MAP3K19: variants seen among roughly 807,000 people sequenced by gnomAD.
MAP3K19 encodes the protein mitogen-activated protein kinase kinase kinase 19, also known as SPS1/STE20-related protein kinase YSK4.
A neutral mutation model predicts 114.4 loss-of-function variants in MAP3K19; 91 were observed. That is an observed-to-expected ratio of 0.80 (90% CI 0.67 to 0.95). The LOEUF (loss-of-function observed/expected upper bound fraction) is 0.95. Ranked by LOEUF, MAP3K19 falls within the 40% of genes least tolerant of loss-of-function variation. The pLI, the probability that MAP3K19 is intolerant of heterozygous loss-of-function variation, is 0.00. For synonymous variants in MAP3K19, 518 were observed against 530.5 expected, an observed-to-expected ratio of 0.98 and a Z score of 0.32; for missense variants, 1,471 against 1,573.2, an observed-to-expected ratio of 0.94 and a Z score of 1.10.
rs770887597 is a variant in MAP3K19 at position 134,981,397 on chromosome 2, A to C, written c.3344T>G (p.Leu1115Arg). ...YRKLQEEVDL[L>R]KALKHVNIVA... ...AATGTTGACATGTTTCAGTGCTTTG[A>C]GCAAATCTACTTCTTCCTGTAGTTT... The change falls in exon 12 of 13, where the codon CTC becomes CGC. Residue 1115 changes from leucine (L) to arginine (R), a missense_variant. Transcript: ENST00000392915. 1 of 1,614,234 alleles carries C rather than the reference A, an allele frequency of 6.2e-7. No homozygotes were observed. The highest frequency in any genetic ancestry group is 1.7e-5 in the Admixed American group (1 of 60,028).
chr2:134,999,956 C>G lies in MAP3K19; in HGVS notation c.295G>C (p.Glu99Gln), dbSNP rs1686316829. The G allele has an allele frequency of 4.3e-6, 7 of 1,610,234 alleles. No homozygotes were observed. The East Asian group carries it at 1.3e-4, about 31-fold the overall frequency. The change falls in exon 7 of 13, where the codon GAA (glutamate) becomes CAA (glutamine). Residue 99 changes from glutamate to glutamine, a missense_variant. Transcript: ENST00000392915. The surrounding 1 kb of genome is among the most constrained non-coding windows in gnomAD (Gnocchi z 4.1). ...DVSPPQEMSQ[E>Q]DLKEKNLINS... is the part of the protein sequence containing the mutation. ...CCTTACTTCTTTTCTTTTAAGTCTTCTTGGCTCATTTCTTGGGGAGGACTG... is the reference window on the plus strand; with the variant it reads ...CCTTACTTCTTTTCTTTTAAGTCTTGTTGGCTCATTTCTTGGGGAGGACTG...
At chr2:134,983,916 G>A (rs1363552189) in intron 10 of MAP3K19, 91 bp from the exon 11 acceptor site, 2 of 860,342 alleles carry the variant, frequency 2.3e-6, no homozygotes. Flanking sequence ...CTTTTCAAAT[G>A]TTCCTGTCTG....
At chr2:135,019,951 C>T (rs574672067) in intron 5 of MAP3K19, among the ~76,000 whole-genome samples, 11 of 152,176 alleles carry the variant, frequency 7.2e-5, no homozygotes, top group East Asian at 3.9e-4. Context: ...ACCAGGGCCA[C>T]GAGGAGGCAC....
chr2:134,968,568 G>T (rs1249879163), intron 12 of MAP3K19, among the ~76,000 whole-genome samples: 2 of 151,034 alleles, frequency 1.3e-5, no homozygotes, highest in Admixed American at 6.6e-5. Flanking sequence ...TGGCTGCCGG[G>T]CGGAGGGGCT....
chr2:135,044,578 G>A (rs7577258), intron 1 of MAP3K19, among the ~76,000 whole-genome samples: 40,315 of 152,052 alleles, frequency 0.27, 7,210 homozygotes, highest in African/African-American at 0.48. Context: ...CAACAAGAGT[G>A]AAACTCCATC....
intron 12 of MAP3K19, among the ~76,000 whole-genome samples, chr2:134,974,672 T>C (rs1289263379): frequency 6.6e-6 from 1 of 152,236 alleles, no homozygotes; most frequent in Non-Finnish European, 1.5e-5. Flanking sequence ...ACATGTCATG[T>C]AGGCTTTGTT....
chr2:135,020,725 T>TG (rs1687913654), intron 5 of MAP3K19, among the ~76,000 whole-genome samples: 1 of 152,186 alleles, frequency 6.6e-6, no homozygotes, highest in South Asian at 2.1e-4. Flanking sequence ...CTTGTGATAG[T>TG]GGGGGAGTTC....
intron 5 of MAP3K19, among the ~76,000 whole-genome samples, chr2:135,020,161 G>A (rs1036841170): frequency 1.2e-4 from 18 of 152,122 alleles, no homozygotes; most frequent in African/African-American, 4.3e-4. Context: ...GGGATTACAG[G>A]TGCCCACCAC....
intron 5 of MAP3K19, among the ~76,000 whole-genome samples, chr2:135,006,009 A>C (rs946218693): frequency 6.6e-6 from 1 of 152,248 alleles, no homozygotes; most frequent in African/African-American, 2.4e-5. Context: ...GAAAGGAGGC[A>C]GCAAAGCTGA....
chr2:134,979,880 A>G (rs138869805), intron 12 of MAP3K19, among the ~76,000 whole-genome samples: 130 of 152,288 alleles, frequency 8.5e-4, no homozygotes, highest in African/African-American at 3.0e-3. Flanking sequence ...ATTGGCAGAG[A>G]GGGAGACCTG....
At position 134,980,950 on chromosome 2, in the gene MAP3K19, T is replaced by C. The variant is rs753856000; in HGVS notation, c.3791A>G (p.Lys1264Arg). ...GCTVFEMATG[K>R]PPLASMDRMA... ...CCTGTCCATGGAAGCCAGTGGAGGC[T>C]TCCCTGTAGCCATCTCAAACACAGT... Residue 1264 changes from lysine (K) to arginine (R), a missense_variant, in exon 12 of 13, where the codon AAG becomes AGG. Physicochemically the swap from Lys to Arg is conservative, Grantham distance 26. Coordinates refer to ENST00000392915, the MANE Select transcript of MAP3K19 (RefSeq NM_025052.5). The C allele has an allele frequency of 2.6e-5, 42 of 1,614,104 alleles. No homozygotes were observed. Among genetic ancestry groups the C allele is most frequent in the Non-Finnish European group, 3.3e-5 (39 of 1,180,050 alleles).
At chr2:135,003,033 T>A (rs551620122) in intron 6 of MAP3K19, among the ~76,000 whole-genome samples, 21 of 152,266 alleles carry the variant, frequency 1.4e-4, no homozygotes, top group African/African-American at 4.8e-4. Context: ...GGGGCCCCGA[T>A]CCAGCTGGAT....
In MAP3K19 at chr2:134,987,719, C is replaced by A. The variant is rs151163384; in HGVS notation, c.1153G>T (p.Glu385Ter). 30 of 1,611,754 alleles carry A rather than the reference C, an allele frequency of 1.9e-5. No homozygotes were observed. Among genetic ancestry groups the A allele is most frequent in the Non-Finnish European group, 2.5e-5 (29 of 1,180,018 alleles). Residue 385 changes from glutamate to a stop codon, truncating the protein, a stop_gained, in exon 10 of 13, where the codon GAA becomes TAA. Coordinates refer to ENST00000392915, the MANE Select transcript of MAP3K19 (RefSeq NM_025052.5). LOFTEE classifies it high-confidence loss of function. ...SVAKNYEQDP[E>*]IVCTIPSKFQ... The stretch of plus-strand genomic sequence containing the variant: ...TTGCTTGGAATGGTACATACTATTT[C>A]TGGATCTTGTTCATAGTTTTTGGCT...
intron 5 of MAP3K19, among the ~76,000 whole-genome samples, chr2:135,017,998 G>T (rs1055554776): frequency 1.1e-4 from 16 of 152,170 alleles, no homozygotes; most frequent in African/African-American, 3.9e-4. Flanking sequence ...TCTTAGAATT[G>T]ATAGTAGTTT....
intron 10 of MAP3K19, among the ~76,000 whole-genome samples, chr2:134,985,186 C>T (rs571483556): frequency 9.4e-4 from 143 of 152,330 alleles, no homozygotes; most frequent in African/African-American, 3.3e-3. Flanking sequence ...AATCTTATTT[C>T]AGGATTTTTG....
Position 134,987,376 on chromosome 2 carries a change from A to T in MAP3K19, c.1496T>A (p.Val499Glu). ...FPVDGSPKEP[V>E]IAKPSLQTRK... Reference sequence around the variant, plus strand: ...TGTTTGGAGGCTTGGTTTGGCTATCACTGGTTCCTTGGGGCTTCCATCCAC... The same window carrying T: ...TGTTTGGAGGCTTGGTTTGGCTATCTCTGGTTCCTTGGGGCTTCCATCCAC... Residue 499 changes from valine to glutamate, a missense_variant, in exon 10 of 13, where the codon GTG becomes GAG. Transcript: ENST00000392915. The T allele has an allele frequency of 1.2e-6, 2 of 1,614,114 alleles. No homozygotes were observed. Among genetic ancestry groups the T allele is most frequent in the South Asian group, 1.1e-5 (1 of 91,072 alleles).
At chr2:135,034,897 C>T (rs1444366207) in intron 2 of MAP3K19, among the ~76,000 whole-genome samples, 1 of 135,474 alleles carries the variant, frequency 7.4e-6, no homozygotes, top group Non-Finnish European at 1.6e-5. Flanking sequence ...AACCCTATTT[C>T]TTGAGGGAAG....
intron 5 of MAP3K19, among the ~76,000 whole-genome samples, chr2:135,020,672 T>C (rs1687907963): frequency 6.6e-6 from 1 of 152,178 alleles, no homozygotes; most frequent in African/African-American, 2.4e-5. Context: ...AGGGACTTTG[T>C]AGAAGGTGAT....
intron 8 of MAP3K19, among the ~76,000 whole-genome samples, chr2:134,997,845 T>A (rs1356705632): frequency 7.3e-6 from 1 of 137,276 alleles, no homozygotes; most frequent in Non-Finnish European, 1.6e-5. Context: ...AAGCACTGCT[T>A]CATTTAAATT....
Sources: allele counts gnomAD v4.1 joint callset (sites outside exome capture counted in the v4.1 genomes callset), GRCh38; gene constraint gnomAD v4.1.1; non-coding constraint Gnocchi (gnomAD v3.1); transcripts MANE v1.5; gene names NCBI Gene and HGNC (gene_info 2026-07-23, HGNC 2026-07-21).